The following TRIOBP variants were observed in gnomAD, a reference collection of about 807,000 sequenced individuals.
TRIOBP encodes the protein TRIO and F-actin binding protein.
Under a neutral mutation model 238.8 loss-of-function variants are expected in TRIOBP, and 169 were observed. The ratio of observed to expected loss-of-function variants is 0.71; its 90% confidence interval spans 0.62 to 0.80. The LOEUF (loss-of-function observed/expected upper bound fraction) is 0.80. TRIOBP is among the 30% of genes least tolerant of loss of function. The pLI is 0.00. For missense variants in TRIOBP, 2,838 were observed against 3,122.6 expected, an observed-to-expected ratio of 0.91 and a Z score of 2.17; for synonymous variants, 1,150 against 1,274.4, an observed-to-expected ratio of 0.90 and a Z score of 2.08.
chr22:37,755,729 T>C, intron 15 of TRIOBP, 70 bp downstream of exon 15: 1 of 1,361,394 alleles, frequency 7.3e-7, no homozygotes, highest in African/African-American at 1.4e-5. Flanking sequence ...GGTTTCTAGG[T>C]ACTCACCTGA....
intron 12 of TRIOBP, among the ~76,000 whole-genome samples, chr22:37,752,816 G>A (rs953523149): frequency 1.3e-5 from 2 of 152,130 alleles, no homozygotes; most frequent in African/African-American, 4.8e-5. Flanking sequence ...TCTATCACAG[G>A]GTTCTGGAAT....
rs1356372063 is a variant in TRIOBP at position 37,772,582 on chromosome 22, C to T, written c.6937-19C>T. The T allele has an allele frequency of 1.2e-6, 2 of 1,613,822 alleles. No individual in the cohort carries two copies. Among genetic ancestry groups the T allele is most frequent in the Admixed American group, 1.7e-5 (1 of 59,992 alleles). On this transcript the variant is annotated intron_variant, in intron 22 of 23. Transcript: ENST00000644935. ...GAGGGAGAGACTTCATGCCCTCATA[C>T]CTGCCTCCTGCCCCCCAGGACAAGC...
chr22:37,729,633 T>G (rs1924330429), intron 7 of TRIOBP, among the ~76,000 whole-genome samples: 1 of 152,194 alleles, frequency 6.6e-6, no homozygotes, highest in African/African-American at 2.4e-5. Flanking sequence ...AGAGATAAGG[T>G]GTTTATATTA....
Position 37,751,799 on chromosome 22 carries a change from T to C in TRIOBP, c.5350T>C (p.Trp1784Arg). 1 of 1,614,000 alleles carries C rather than the reference T, an allele frequency of 6.2e-7. No individual in the cohort carries two copies. Among genetic ancestry groups the C allele is most frequent in the African/African-American group, 1.3e-5 (1 of 74,974 alleles). Residue 1784 changes from tryptophan to arginine, a missense_variant, in exon 12 of 24, where the codon TGG becomes CGG. By Grantham distance (101) the Trp-to-Arg change is moderately radical. Coordinates refer to ENST00000644935, the MANE Select transcript of TRIOBP (RefSeq NM_001039141.3). The part of the protein sequence containing the change: ...RPDLLNFKKG[W>R]MSILDEPGEP... The stretch of plus-strand genomic sequence containing the variant: ...CGATCTGCTCAACTTCAAGAAGGGA[T>C]GGATGTCGATCTTGGACGAGCCTGG...
intron 17 of TRIOBP, 57 bp from the exon 18 acceptor site, chr22:37,765,613 A>G: frequency 6.5e-7 from 1 of 1,546,254 alleles, no homozygotes; most frequent in Non-Finnish European, 8.7e-7. Flanking sequence ...AGGCTGGGGA[A>G]GGGCCGCTGT....
chr22:37,706,267 C>G (rs1922940756), intron 3 of TRIOBP, among the ~76,000 whole-genome samples: 1 of 152,042 alleles, frequency 6.6e-6, no homozygotes, highest in Non-Finnish European at 1.5e-5. Context: ...GGCTGGAGCT[C>G]AGAGCCAGAC....
rs963331241 is a variant in TRIOBP, at chr22:37,735,065, G to A, written c.4729G>A (p.Val1577Ile). The A allele has an allele frequency of 6.2e-7, 1 of 1,607,036 alleles. No homozygotes were observed. Among genetic ancestry groups the A allele is most frequent in the African/African-American group, 1.3e-5 (1 of 74,918 alleles). The change falls in exon 9 of 24, where the codon GTC (valine) becomes ATC (isoleucine). Residue 1577 changes from valine (V) to isoleucine (I), a missense_variant. By Grantham distance (29) the Val-to-Ile change is conservative. This residue lies in a region of TRIOBP where 2,096 missense variants were observed against 2,137.4 expected (regional missense o/e 0.98). Coordinates refer to ENST00000644935, the MANE Select transcript of TRIOBP (RefSeq NM_001039141.3). ...RAPGEGVWAR[V>I]PSLDWEGLLE... ...ACCAGGAGAGGGGGTCTGGGCCCGT[G>A]TCCCCAGCCTGGACTGGGAGGGCCT... is the stretch of plus-strand genomic sequence containing the variant.
intron 11 of TRIOBP, among the ~76,000 whole-genome samples, chr22:37,748,579 T>TAA (rs60098168): frequency 9.9e-5 from 15 of 151,494 alleles, no homozygotes; most frequent in African/African-American, 1.7e-4. Context: ...CTGATAACTT[T>TAA]AAAAAAAAAT....
intron 11 of TRIOBP, chr22:37,751,483 G>C (rs1925602522): frequency 2.0e-6 from 1 of 498,602 alleles, no homozygotes; most frequent in East Asian, 3.7e-5. Context: ...CTTGGGCGAG[G>C]GGTCGGCTGG....
intron 10 of TRIOBP, among the ~76,000 whole-genome samples, chr22:37,740,117 C>G (rs959844188): frequency 2.0e-5 from 3 of 152,156 alleles, no homozygotes; most frequent in Non-Finnish European, 4.4e-5. Context: ...GTAGCAGGGT[C>G]GGGGGCACCC....
intron 2 of TRIOBP, among the ~76,000 whole-genome samples, chr22:37,700,450 G>GC (rs1922587565): frequency 1.3e-5 from 2 of 150,676 alleles, no homozygotes; most frequent in Non-Finnish European, 3.0e-5. Context: ...GCTGAAATCT[G>GC]CTTTTTTTTT....
intron 11 of TRIOBP, among the ~76,000 whole-genome samples, chr22:37,745,065 A>T (rs1185456275): frequency 6.6e-6 from 1 of 152,018 alleles, no homozygotes; most frequent in Non-Finnish European, 1.5e-5. Context: ...GGGTTTCACC[A>T]TGTTGGCCAG....
chr22:37,773,923 CACACACACACACACAG>C lies in TRIOBP; in HGVS notation c.*151_*166del, dbSNP rs536629968. 0.044 allele frequency: 6,230 copies of C among 142,472 alleles called. 179 individuals are homozygous for C. The highest frequency in any genetic ancestry group is 0.1 in the African/African-American group (3,376 of 32,216). 8.8% of individuals were successfully genotyped at this position (142,472 alleles called of 1,614,324 possible). A position where few individuals can be genotyped will look rare whatever the true frequency, so the allele number is the denominator to read the frequency against. On this transcript the variant is annotated 3_prime_UTR_variant, in exon 24 of 24. Coordinates refer to ENST00000644935, the MANE Select transcript of TRIOBP (RefSeq NM_001039141.3). ...CACCCACCACACACACACACACACA[CACACACACACACACAG>C]ACACACAGACACATACGCACACACG...
chr22:37,771,653 C>T lies in TRIOBP; in HGVS notation c.6853C>T (p.Leu2285=), dbSNP rs1183900674. ...AGTCCAGCACCTATATCCCCAGGTG[C>T]TGCTTCGCGTAAAAGAAAACGAACT... ...NERSSCELEV[L]LRVKENELQY... Residue 2285 remains leucine (L), a synonymous_variant, in exon 22 of 24, where the codon CTG becomes TTG. Transcript: ENST00000644935. 1.2e-6 allele frequency: 2 copies of T among 1,613,930 alleles called. No homozygotes were observed. Among genetic ancestry groups the T allele is most frequent in the African/African-American group, 2.7e-5 (2 of 74,920 alleles).
chr22:37,704,097 C>A (rs1452919212), intron 3 of TRIOBP, among the ~76,000 whole-genome samples: 1 of 152,110 alleles, frequency 6.6e-6, no homozygotes, highest in Non-Finnish European at 1.5e-5. Flanking sequence ...CATGATAAAT[C>A]AGAAAGGCAC....
chr22:37,733,825 C>A (rs954718176), intron 8 of TRIOBP, among the ~76,000 whole-genome samples: 1 of 152,046 alleles, frequency 6.6e-6, no homozygotes, highest in East Asian at 1.9e-4. Context: ...CGTGTGCCAC[C>A]ACACCCAACT....
At chr22:37,762,240 T>A (rs908387543) in intron 17 of TRIOBP, among the ~76,000 whole-genome samples, 22 of 152,018 alleles carry the variant, frequency 1.4e-4, no homozygotes, top group South Asian at 6.2e-4. Context: ...ATTAAAAAAA[T>A]TTTTTTGTAG....
At chr22:37,765,636 G>A (rs1270034745) in intron 17 of TRIOBP, 34 bp from the exon 18 acceptor site, 3 of 1,548,382 alleles carry the variant, frequency 1.9e-6, no homozygotes, top group Non-Finnish European at 2.6e-6. Context: ...AGAGGAACGG[G>A]GCAGCCTGTG....
At chr22:37,739,481 C>A (rs545213532) in intron 10 of TRIOBP, among the ~76,000 whole-genome samples, 4 of 152,170 alleles carry the variant, frequency 2.6e-5, no homozygotes, top group African/African-American at 9.7e-5. Context: ...TGGGGGAATT[C>A]TGCCCAAACC....
Sources: gnomAD v4.1 joint callset for allele counts (sites outside exome capture counted in the v4.1 genomes callset) on GRCh38, gnomAD v4.1.1 for gene constraint, gnomAD v4.1.1 regional missense constraint, MANE v1.5 for transcripts, NCBI Gene and HGNC (gene_info 2026-07-23, HGNC 2026-07-21) for gene names.